Variants in WDR1 observed in about 807,000 individuals in gnomAD.
WDR1 encodes the protein WD repeat-containing protein 1.
WDR1 carries 21 observed loss-of-function variants against 71.9 expected under a neutral mutation model. The ratio of observed to expected loss-of-function variants is 0.29; its 90% CI spans 0.21 to 0.42. The LOEUF is 0.42. WDR1 is among the 10% of genes least tolerant of loss of function. WDR1 has a pLI of 1.00. For synonymous variants in WDR1, 424 were observed against 347.4 expected, an observed-to-expected ratio of 1.22 and a Z score of -2.45; for missense variants, 696 against 824.5, an observed-to-expected ratio of 0.84 and a Z score of 1.91.
chr4:10,116,298 A>T, intron 1 of WDR1, 64 bp from the exon 2 acceptor site: 1 of 1,606,608 alleles, frequency 6.2e-7, no homozygotes, highest in Non-Finnish European at 8.5e-7. Context: ...GACAGAAGGG[A>T]GAAGGAGCCC....
intron 10 of WDR1, among the ~76,000 whole-genome samples, chr4:10,082,540 A>C (rs533705503): frequency 1.3e-5 from 2 of 152,296 alleles, no homozygotes; most frequent in South Asian, 4.1e-4. Flanking sequence ...TGCCAATCAA[A>C]GGCCCAAGAC....
rs376929668 is a variant in WDR1, at chr4:10,095,061, C to A, written c.558+2650G>T. Among the ~76,000 whole-genome samples, 56 of 152,334 alleles carry A rather than the reference C, an allele frequency of 3.7e-4. 1 individual carries two copies. The East Asian group carries it at 5.8e-3, about 16-fold the overall frequency. On this transcript the variant is annotated intron_variant, in intron 5 of 14. Transcript: ENST00000499869. Reference sequence around the variant, plus strand: ...CTCAGGGCAGCTTCCTGGTCCCGGCCACAGGGGGCCTCTGCAGGGAGTGGG... The same window carrying A: ...CTCAGGGCAGCTTCCTGGTCCCGGCAACAGGGGGCCTCTGCAGGGAGTGGG...
chr4:10,089,014 C>T (rs147506185), intron 5 of WDR1, among the ~76,000 whole-genome samples: 32 of 152,298 alleles, frequency 2.1e-4, no homozygotes, highest in African/African-American at 6.0e-4. Flanking sequence ...TTATGCCCCC[C>T]CCAGTGAGGT....
chr4:10,104,516 G>C (rs1712904297), intron 2 of WDR1, among the ~76,000 whole-genome samples: 1 of 152,200 alleles, frequency 6.6e-6, no homozygotes, highest in African/African-American at 2.4e-5. Context: ...GTTTGGAAAG[G>C]AAAGTCGATT....
At chr4:10,083,466 C>T in intron 9 of WDR1, 1 of 551,012 alleles carries the variant, frequency 1.8e-6, no homozygotes, top group Non-Finnish European at 3.5e-6. Context: ...TCCTCTGCTA[C>T]TAGTTATCGG....
chr4:10,075,535 T>G, intron 14 of WDR1, 51 bp from the exon 15 acceptor site: 1 of 1,537,026 alleles, frequency 6.5e-7, no homozygotes, highest in Non-Finnish European at 8.9e-7. Flanking sequence ...TCTGCAACTA[T>G]GTACATCTTG....
chr4:10,075,226 C>T lies in WDR1; in HGVS notation c.*152G>A, dbSNP rs1160673800. 1.5e-6 allele frequency: 1 copy of T among 649,536 alleles called. No individual in the cohort carries two copies. Among genetic ancestry groups the T allele is most frequent in the African/African-American group, 1.8e-5 (1 of 55,494 alleles). 40.2% of individuals were successfully genotyped at this position (649,536 alleles called of 1,614,324 possible). On this transcript the variant is annotated 3_prime_UTR_variant, in exon 15 of 15. Transcript: ENST00000499869. ...TTTCAGAAGAACGTGTACAGACACC[C>T]TGCAGAGACGAGGGTCATGACTGGG...
intron 2 of WDR1, among the ~76,000 whole-genome samples, chr4:10,106,102 G>A (rs1407953261): frequency 6.6e-6 from 1 of 151,998 alleles, no homozygotes; most frequent in Admixed American, 6.5e-5. Flanking sequence ...TGGGGGTGAG[G>A]GTGGAAGGGG....
At chr4:10,088,248 C>A (rs1182837827) in intron 7 of WDR1, 45 bp downstream of exon 7, 1 of 1,527,788 alleles carries the variant, frequency 6.5e-7, no homozygotes, top group Non-Finnish European at 8.9e-7. Flanking sequence ...CACGTGGACT[C>A]GGCCAAATTC....
In WDR1 at chr4:10,104,510, G is replaced by A. The variant is rs908104882; in HGVS notation, c.139-524C>T. Among the ~76,000 whole-genome samples the A allele has an allele frequency of 3.9e-5, 6 of 152,198 alleles. No individual in the cohort carries two copies. The South Asian group carries it at 6.2e-4, about 16-fold the overall frequency. On this transcript the variant is annotated intron_variant, in intron 2 of 14. Coordinates refer to ENST00000499869, the MANE Select transcript of WDR1 (RefSeq NM_017491.5). The stretch of plus-strand genomic sequence containing the variant: ...CCCTCTCTATCAAAAACTTGGGTTT[G>A]GAAAGGAAAGTCGATTCCCCACTCC...
intron 5 of WDR1, among the ~76,000 whole-genome samples, chr4:10,089,721 CT>C (rs1711839840): frequency 6.6e-6 from 1 of 152,230 alleles, no homozygotes; most frequent in Non-Finnish European, 1.5e-5. Flanking sequence ...GAACACTAAC[CT>C]TCAGGAAAAG....
rs1004936206 is a variant in WDR1, at chr4:10,075,055, C to T, written c.*323G>A. 1 of 424,430 alleles carries T rather than the reference C, an allele frequency of 2.4e-6. No homozygotes were observed. The allele number at this position is 424,430 out of a possible 1,614,324, so 26.3% of individuals were successfully genotyped here. A position where few individuals can be genotyped will look rare whatever the true frequency, so the allele number is the denominator to read the frequency against. ...CAGATAGTGAGAGCCGCGGCGGGGC[C>T]AGGGGCTCTGTGTGCTTTGGAGGCT... On this transcript the variant is annotated 3_prime_UTR_variant, in exon 15 of 15. Coordinates refer to ENST00000499869, the MANE Select transcript of WDR1 (RefSeq NM_017491.5).
rs578160178 is a variant in WDR1 at position 10,074,729 on chromosome 4, G to C, written c.*649C>G. 7.9e-5 allele frequency: 12 copies of C among 151,914 alleles called. No homozygotes were observed. Among genetic ancestry groups the C allele is most frequent in the African/African-American group, 2.9e-4 (12 of 41,452 alleles). 9.4% of individuals were successfully genotyped at this position (151,914 alleles called of 1,614,324 possible). A position where few individuals can be genotyped will look rare whatever the true frequency, so the allele number is the denominator to read the frequency against. On this transcript the variant is annotated 3_prime_UTR_variant, in exon 15 of 15. Transcript: ENST00000499869. ...CGCACTAGTTTGTAAACACTGACAG[G>C]CAACAGTTAAGATACATTAAAAAAA...
intron 5 of WDR1, among the ~76,000 whole-genome samples, chr4:10,089,815 G>T (rs1711847383): frequency 6.6e-6 from 1 of 152,228 alleles, no homozygotes; most frequent in Non-Finnish European, 1.5e-5. Flanking sequence ...TACCTGTGTG[G>T]GGGACCTGCC....
At chr4:10,084,669 C>G in intron 8 of WDR1, 139 bp from the exon 9 acceptor site, 1 of 738,374 alleles carries the variant, frequency 1.4e-6, no homozygotes, top group South Asian at 1.6e-5. Context: ...TGCTCTGAGG[C>G]CCCAGTAGCC....
chr4:10,095,666 C>G (rs1054982848), intron 5 of WDR1, among the ~76,000 whole-genome samples: 1 of 152,206 alleles, frequency 6.6e-6, no homozygotes, highest in African/African-American at 2.4e-5. Flanking sequence ...AGCACCCTTC[C>G]TGTCCTTCCT....
intron 5 of WDR1, among the ~76,000 whole-genome samples, chr4:10,094,188 G>A (rs935290991): frequency 3.3e-5 from 5 of 152,218 alleles, no homozygotes; most frequent in African/African-American, 1.2e-4. Context: ...GAGCCCCCAG[G>A]ACGACATGCT....
chr4:10,075,167 T>C lies in WDR1; in HGVS notation c.*211A>G. On this transcript the variant is annotated 3_prime_UTR_variant, in exon 15 of 15. Transcript: ENST00000499869. ...CCACACATTGTTTAGGTGCTCGCTT[T>C]ATTTTTCATGTGCAAACTGTTACTG... The C allele has an allele frequency of 1.8e-6, 1 of 547,488 alleles. No homozygotes were observed. The highest frequency in any genetic ancestry group is 3.2e-6 in the Non-Finnish European group (1 of 307,810). 33.9% of individuals were successfully genotyped at this position (547,488 alleles called of 1,614,324 possible).
intron 3 of WDR1, among the ~76,000 whole-genome samples, chr4:10,099,807 C>T (rs1044446474): frequency 6.6e-6 from 1 of 152,218 alleles, no homozygotes; most frequent in East Asian, 1.9e-4. Flanking sequence ...GGAATCCAAG[C>T]GTAAGATTCT....
Sources: allele counts gnomAD v4.1 joint callset (sites outside exome capture counted in the v4.1 genomes callset), GRCh38; gene constraint gnomAD v4.1.1; transcripts MANE v1.5; gene names NCBI Gene and HGNC (gene_info 2026-07-23, HGNC 2026-07-21).